AP1G1: variants seen among roughly 807,000 people sequenced by gnomAD.
The protein encoded by AP1G1 is adaptor related protein complex 1 subunit gamma 1.
Under a neutral mutation model 108.3 loss-of-function variants are expected in AP1G1, and 7 were observed. The ratio of observed to expected loss-of-function variants is 0.06; its 90% CI spans 0.04 to 0.12. The LOEUF is 0.12. Among genes scored for constraint, AP1G1 ranks in the 10% least tolerant of loss-of-function variants. The probability of loss-of-function intolerance (pLI) is 1.00; values close to 1 mark genes in which losing one functional copy is unlikely to be tolerated. For missense variants in AP1G1, 756 were observed against 1,010.7 expected (o/e 0.75, Z 3.42); for synonymous variants, 379 against 353.5 (o/e 1.07, Z -0.81).
At chr16:71,803,502 T>C (rs1358080923) in intron 1 of AP1G1, among the ~76,000 whole-genome samples, 1 of 152,196 alleles carries the variant, frequency 6.6e-6, no homozygotes, top group East Asian at 1.9e-4. Context: ...CTCAACACAT[T>C]TGGCAAGTGA....
At chr16:71,778,317 A>G (rs2031867773) in intron 2 of AP1G1, among the ~76,000 whole-genome samples, 1 of 152,208 alleles carries the variant, frequency 6.6e-6, no homozygotes. Flanking sequence ...CCAGTGATGG[A>G]TTAACTCTGA....
At position 71,759,770 on chromosome 16, in the gene AP1G1, A is replaced by C. The variant is rs4788556; in HGVS notation, c.975-849T>G. On this transcript the variant is annotated intron_variant, in intron 10 of 22. Coordinates refer to ENST00000299980, the MANE Select transcript of AP1G1 (RefSeq NM_001128.6). ...GCGAGACTCTGTCTCAAAAAAAAAAAAAATTAATTAAATTAAATTAAATAT... is the reference window on the plus strand; with the variant it reads ...GCGAGACTCTGTCTCAAAAAAAAAACAAATTAATTAAATTAAATTAAATAT... Among the ~76,000 whole-genome samples the C allele has an allele frequency of 2.0e-5, 3 of 150,874 alleles. No individual in the cohort carries two copies. In the East Asian group the frequency reaches 5.8e-4, roughly 29 times the overall value.
Position 71,808,798 on chromosome 16 carries a change from G to GGGC in AP1G1, c.-42_-40dup, listed in dbSNP as rs1375447859. ...CCTCGAATGAAACCAGCAGCTCCGG[G>GGGC]GGCGGCGGCAGCAGTGGCAGCAGGA... On this transcript the variant is annotated 5_prime_UTR_variant, in exon 1 of 23. Transcript: ENST00000299980. 3.9e-6 allele frequency: 5 copies of GGGC among 1,289,716 alleles called. No individual in the cohort carries two copies. Among genetic ancestry groups the GGGC allele is most frequent in the South Asian group, 1.2e-5 (1 of 81,014 alleles). The allele number at this position is 1,289,716 out of a possible 1,614,324, so 79.9% of individuals were successfully genotyped here.
At position 71,773,275 on chromosome 16, in the gene AP1G1, A is replaced by G; in HGVS notation, c.414T>C (p.Leu138=). 6.2e-7 allele frequency: 1 copy of G among 1,613,222 alleles called. No individual in the cohort carries two copies. Among genetic ancestry groups the G allele is most frequent in the Middle Eastern group, 1.7e-4 (1 of 6,034 alleles). The part of the protein sequence containing the change: ...CMGSSEMCRD[L]AGEVEKLLKT... ...TCAGGAGCTTCTCTACCTCTCCTGC[A>G]AGATCTCTGCACATCTCTGAGGAGC... Residue 138 remains leucine (L), a synonymous_variant, in exon 4 of 23, where the codon CTT becomes CTC. Coordinates refer to ENST00000299980, the MANE Select transcript of AP1G1 (RefSeq NM_001128.6).
chr16:71,799,342 G>A (rs1005061954), intron 1 of AP1G1, among the ~76,000 whole-genome samples: 3 of 152,132 alleles, frequency 2.0e-5, no homozygotes, highest in African/African-American at 7.2e-5. Context: ...CATGTACAAG[G>A]ATATTTATTG....
rs544448632 is a variant in AP1G1, at chr16:71,730,300, C to T, written c.*2758G>A. ...GATGAATTAATTCTCCTTTAGGATT[C>T]CCCGGGATGGGGCAGAAACTAGAAT... On this transcript the variant is annotated 3_prime_UTR_variant, in exon 23 of 23. Coordinates refer to ENST00000299980, the MANE Select transcript of AP1G1 (RefSeq NM_001128.6). 4 of 152,354 alleles carry T rather than the reference C, an allele frequency of 2.6e-5. No individual in the cohort carries two copies. The highest frequency in any genetic ancestry group is 5.9e-5 in the Non-Finnish European group (4 of 68,012). 9.4% of individuals were successfully genotyped at this position (152,354 alleles called of 1,614,324 possible). A position where few individuals can be genotyped will look rare whatever the true frequency, so the allele number is the denominator to read the frequency against.
chr16:71,741,895 A>G (rs934689073), intron 19 of AP1G1, among the ~76,000 whole-genome samples: 2 of 152,210 alleles, frequency 1.3e-5, no homozygotes, highest in African/African-American at 4.8e-5. Context: ...TTTGTCCTGT[A>G]AAAGTATAGC....
chr16:71,789,318 C>A lies in AP1G1; in HGVS notation c.162G>T (p.Leu54=). The part of the protein sequence containing the change: ...TYRCRNVAKL[L]YMHMLGYPAH... ...CAGGGTAGCCCAGCATGTGCATATACAGTAATTTTGCCACATTCCGACATC... is the reference window on the plus strand; with the variant it reads ...CAGGGTAGCCCAGCATGTGCATATAAAGTAATTTTGCCACATTCCGACATC... The change falls in exon 2 of 23, where the codon CTG becomes CTT. Residue 54 remains leucine, a synonymous_variant. Transcript: ENST00000299980. 6.2e-7 allele frequency: 1 copy of A among 1,614,196 alleles called. No individual in the cohort carries two copies. Among genetic ancestry groups the A allele is most frequent in the South Asian group, 1.1e-5 (1 of 91,084 alleles).
rs186930395 is a variant in AP1G1 at position 71,760,987 on chromosome 16, G to A, written c.974+525C>T. ...TCATTTACCTAAAAAACTAGCTAGA[G>A]TTCACAAAGACATTCCAGATTTGCT... On this transcript the variant is annotated intron_variant, in intron 10 of 22. Coordinates refer to ENST00000299980, the MANE Select transcript of AP1G1 (RefSeq NM_001128.6). 3.5e-4 allele frequency among the ~76,000 whole-genome samples: 53 copies of A among 152,282 alleles called. No individual in the cohort carries two copies. In the Middle Eastern group the frequency reaches 0.031, roughly 88 times the overall value.
chr16:71,737,862 T>C (rs757859607), intron 21 of AP1G1, among the ~76,000 whole-genome samples: 1 of 152,290 alleles, frequency 6.6e-6, no homozygotes, highest in Non-Finnish European at 1.5e-5. Context: ...CATCTGATTT[T>C]GCAAATAACA....
chr16:71,737,340 G>C (rs2045562661), intron 21 of AP1G1, among the ~76,000 whole-genome samples: 1 of 152,094 alleles, frequency 6.6e-6, no homozygotes, highest in South Asian at 2.1e-4. Context: ...CTAAAGTGCA[G>C]TGGCATGATC....
At chr16:71,780,716 ACAGTTAGTAAC>A (rs2031982198) in intron 2 of AP1G1, among the ~76,000 whole-genome samples, 1 of 152,052 alleles carries the variant, frequency 6.6e-6, no homozygotes. Context: ...CTGTTAGTTC[ACAGTTAGTAAC>A]CTCTAACTCT....
In AP1G1 at chr16:71,748,329, T is replaced by A; in HGVS notation, c.1547A>T (p.Asn516Ile). Residue 516 changes from asparagine to isoleucine, a missense_variant, in exon 16 of 23, where the codon AAT becomes ATT. Asn to Ile is a moderately radical substitution (Grantham distance 149). Around this residue, in one of 3 missense-constraint regions of AP1G1, gnomAD observed 357 missense variants for 366.5 expected, o/e 0.97. Coordinates refer to ENST00000299980, the MANE Select transcript of AP1G1 (RefSeq NM_001128.6). ...LDILESVLIS[N>I]MSTSVTRGYA... ...ACCTCGTGTCACAGAGGTGGACATA[T>A]TAGAGATTAGGACACTTTCTAAAAT... is the stretch of plus-strand genomic sequence containing the variant. 6.2e-7 allele frequency: 1 copy of A among 1,613,732 alleles called. No individual in the cohort carries two copies. The highest frequency in any genetic ancestry group is 8.5e-7 in the Non-Finnish European group (1 of 1,179,742).
At chr16:71,793,077 G>A (rs1037173201) in intron 1 of AP1G1, among the ~76,000 whole-genome samples, 3 of 152,040 alleles carry the variant, frequency 2.0e-5, no homozygotes, top group African/African-American at 7.2e-5. Context: ...GCTGAGGTGG[G>A]AGGATGACCT....
At chr16:71,808,013 A>G (rs2033055030) in intron 1 of AP1G1, 1 of 1,204,524 alleles carries the variant, frequency 8.3e-7, no homozygotes, top group Admixed American at 3.4e-5. Flanking sequence ...CATAAACATT[A>G]CCCTGAGCGA....
At chr16:71,780,973 G>A (rs2031992760) in intron 2 of AP1G1, among the ~76,000 whole-genome samples, 1 of 152,108 alleles carries the variant, frequency 6.6e-6, no homozygotes, top group Non-Finnish European at 1.5e-5. Flanking sequence ...ATGAGCCACT[G>A]TACCCTACCC....
intron 21 of AP1G1, among the ~76,000 whole-genome samples, chr16:71,738,183 T>C (rs528668466): frequency 1.1e-3 from 164 of 151,678 alleles, no homozygotes; most frequent in African/African-American, 3.4e-3. Flanking sequence ...CCCGAGTAAC[T>C]GGGATTAGAG....
At chr16:71,773,549 C>T (rs1440852573) in intron 3 of AP1G1, among the ~76,000 whole-genome samples, 187 bp from the exon 4 acceptor site, 1 of 152,274 alleles carries the variant, frequency 6.6e-6, no homozygotes, top group South Asian at 2.1e-4. Context: ...CTGACAGTCC[C>T]TCCTATAGGC....
chr16:71,783,776 T>A (rs898043534), intron 2 of AP1G1, among the ~76,000 whole-genome samples: 1 of 152,208 alleles, frequency 6.6e-6, no homozygotes, highest in Non-Finnish European at 1.5e-5. Flanking sequence ...AATCTTACTA[T>A]GTTTCTAAGA....
Sources: allele counts gnomAD v4.1 joint callset (sites outside exome capture counted in the v4.1 genomes callset), GRCh38; gene constraint gnomAD v4.1.1; regional missense constraint gnomAD v4.1.1; transcripts MANE v1.5; gene names NCBI Gene and HGNC (gene_info 2026-07-23, HGNC 2026-07-21).